Variants in SMAD1 observed in about 807,000 individuals in gnomAD.
The protein encoded by SMAD1 is SMAD family member 1, also known as MAD, mothers against decapentaplegic homolog 1.
SMAD1 carries 6 observed loss-of-function variants against 41.6 expected under a neutral mutation model. The observed-to-expected ratio is 0.14, with a 90% CI of 0.08 to 0.28. The LOEUF (loss-of-function observed/expected upper bound fraction) is 0.28. SMAD1 is among the 10% of genes least tolerant of loss of function. The pLI is 1.00. For missense variants in SMAD1, 379 were observed against 582.6 expected, an observed-to-expected ratio of 0.65 and a Z score of 3.60; for synonymous variants, 206 against 203.2, an observed-to-expected ratio of 1.01 and a Z score of -0.12.
rs537667559 is a variant in SMAD1, at chr4:145,505,576, G to A, written c.-176-8862G>A. ...GGAGGCTGCAGTGAGCCGAGATCGC[G>A]CCACTGCACTGCAGCCTGGGCGACA... On this transcript the variant is annotated intron_variant, in intron 1 of 6. Transcript: ENST00000302085. Among the ~76,000 whole-genome samples, 57 of 149,610 alleles carry A rather than the reference G, an allele frequency of 3.8e-4. No homozygotes were observed. The South Asian group carries it at 9.1e-3, about 24-fold the overall frequency.
intron 4 of SMAD1, among the ~76,000 whole-genome samples, chr4:145,542,924 A>G (rs1331674796): frequency 6.6e-6 from 1 of 152,202 alleles, no homozygotes. Context: ...TTTTGCAGTT[A>G]TCTGTTTAGA....
chr4:145,536,127 T>C (rs1193360673), intron 2 of SMAD1, among the ~76,000 whole-genome samples: 1 of 152,102 alleles, frequency 6.6e-6, no homozygotes, highest in Non-Finnish European at 1.5e-5. Context: ...GTTCTCACTG[T>C]TGAAATAAGG....
At chr4:145,515,712 T>A (rs1489284214) in intron 2 of SMAD1, among the ~76,000 whole-genome samples, 1 of 152,218 alleles carries the variant, frequency 6.6e-6, no homozygotes, top group Non-Finnish European at 1.5e-5. Context: ...ATCTACATTC[T>A]AGAGAGTTGG....
intron 1 of SMAD1, among the ~76,000 whole-genome samples, chr4:145,510,652 G>A (rs910255024): frequency 2.0e-5 from 3 of 152,142 alleles, no homozygotes; most frequent in Non-Finnish European, 4.4e-5. Flanking sequence ...GTCAATTTCA[G>A]TAAGTATTCC....
At chr4:145,503,584 T>C (rs999157013) in intron 1 of SMAD1, among the ~76,000 whole-genome samples, 1 of 152,218 alleles carries the variant, frequency 6.6e-6, no homozygotes, top group Non-Finnish European at 1.5e-5. Flanking sequence ...ACTGCTGTTT[T>C]AAAACAGGAA....
rs1731814648 is a variant in SMAD1, at chr4:145,539,805, A to G, written c.402A>G (p.Val134=). The change falls in exon 3 of 7, where the codon GTA becomes GTG. Residue 134 remains valine (V), a splice_region_variant and synonymous_variant. Transcript: ENST00000302085. ...PYHYKRVESP[V]LPPVLVPRHS... ...TCTTTTTTCCCTTCCTTTTTCTAGT[A>G]CTTCCTCCTGTGCTGGTTCCAAGAC... is the stretch of plus-strand genomic sequence containing the variant. 1 of 1,611,982 alleles carries G rather than the reference A, an allele frequency of 6.2e-7. No homozygotes were observed. Among genetic ancestry groups the G allele is most frequent in the Non-Finnish European group, 8.5e-7 (1 of 1,178,336 alleles).
At chr4:145,548,300 C>T (rs1732365846) in intron 5 of SMAD1, among the ~76,000 whole-genome samples, 1 of 151,954 alleles carries the variant, frequency 6.6e-6, no homozygotes, top group Non-Finnish European at 1.5e-5. Context: ...GTAATCTTGG[C>T]TCACTGCAAC....
chr4:145,513,394 AC>A, intron 1 of SMAD1: 1 of 152,242 alleles, frequency 6.6e-6, no homozygotes, highest in East Asian at 1.9e-4. Context: ...TACAAAGTTA[AC>A]CTCCTTAACC....
Position 145,542,459 on chromosome 4 carries a change from T to C in SMAD1, c.659-123T>C, listed in dbSNP as rs572483284. On this transcript the variant is annotated intron_variant, in intron 3 of 6. Transcript: ENST00000302085. ...AAGGCAGTGCCTGTAGCCTTTAGTC[T>C]TTTAATGGGGAGATTGAAATGACAA... The C allele has an allele frequency of 3.6e-5, 21 of 581,884 alleles. No homozygotes were observed. In the South Asian group the frequency reaches 5.4e-4, roughly 15 times the overall value. 36.0% of individuals were successfully genotyped at this position (581,884 alleles called of 1,614,324 possible). A position where few individuals can be genotyped will look rare whatever the true frequency, so the allele number is the denominator to read the frequency against.
At chr4:145,512,191 G>T (rs1213676311) in intron 1 of SMAD1, among the ~76,000 whole-genome samples, 1 of 152,144 alleles carries the variant, frequency 6.6e-6, no homozygotes, top group Non-Finnish European at 1.5e-5. Flanking sequence ...AGGTTTTCAA[G>T]AATTTTACTG....
chr4:145,527,863 AT>A (rs199585690), intron 2 of SMAD1, among the ~76,000 whole-genome samples: 13,392 of 138,874 alleles, frequency 0.096, 1,063 homozygotes, highest in African/African-American at 0.21. Context: ...TTGATCAGTA[AT>A]TTTTTTTTTT....
intron 5 of SMAD1, among the ~76,000 whole-genome samples, chr4:145,551,813 A>G (rs940409518): frequency 6.6e-6 from 1 of 152,202 alleles, no homozygotes; most frequent in African/African-American, 2.4e-5. Context: ...GTGTAAATTG[A>G]TGCATTCTGG....
intron 1 of SMAD1, among the ~76,000 whole-genome samples, chr4:145,493,570 C>T (rs1199368060): frequency 5.3e-5 from 8 of 152,140 alleles, no homozygotes; most frequent in Non-Finnish European, 7.3e-5. Flanking sequence ...GGCACAAAAA[C>T]TGTATTTATA....
chr4:145,556,371 T>C (rs1732834217), intron 6 of SMAD1, among the ~76,000 whole-genome samples: 1 of 152,176 alleles, frequency 6.6e-6, no homozygotes, highest in African/African-American at 2.4e-5. Flanking sequence ...AATGCATGAG[T>C]GTACATACAT....
At chr4:145,539,661 T>C (rs1264097258) in intron 2 of SMAD1, 143 bp from the exon 3 acceptor site, 5 of 764,122 alleles carry the variant, frequency 6.5e-6, no homozygotes, top group African/African-American at 1.8e-5. Context: ...AGCTTTTCAT[T>C]TGAATGATGC....
intron 2 of SMAD1, among the ~76,000 whole-genome samples, chr4:145,528,423 A>G (rs1731151577): frequency 6.6e-6 from 1 of 151,102 alleles, no homozygotes; most frequent in Non-Finnish European, 1.5e-5. Flanking sequence ...ATTTTTTAGT[A>G]GAGACGGGGG....
At chr4:145,520,315 G>A (rs558599308) in intron 2 of SMAD1, among the ~76,000 whole-genome samples, 1 of 152,310 alleles carries the variant, frequency 6.6e-6, no homozygotes, top group African/African-American at 2.4e-5. Context: ...AAGTTAACCT[G>A]AGTGCTCTTC....
chr4:145,540,190 A>G, intron 3 of SMAD1, 129 bp downstream of exon 3: 1 of 1,010,760 alleles, frequency 9.9e-7, no homozygotes. Flanking sequence ...GTGCTCTCGC[A>G]CTTTTAGGAT....
chr4:145,527,127 T>C (rs1399980428), intron 2 of SMAD1, among the ~76,000 whole-genome samples: 1 of 152,100 alleles, frequency 6.6e-6, no homozygotes, highest in East Asian at 1.9e-4. Context: ...AGGAATGATA[T>C]TATTAGAATA....
Sources: allele counts gnomAD v4.1 joint callset (sites outside exome capture counted in the v4.1 genomes callset), GRCh38; gene constraint gnomAD v4.1.1; transcripts MANE v1.5; gene names NCBI Gene and HGNC (gene_info 2026-07-23, HGNC 2026-07-21).